The following MTA3 variants were observed in gnomAD, a reference collection of about 807,000 sequenced individuals.
The protein encoded by MTA3 is metastasis associated 1 family member 3.
Under a neutral mutation model 83.5 loss-of-function variants are expected in MTA3, and 34 were observed. The observed-to-expected ratio is 0.41, with a 90% CI of 0.31 to 0.54. The LOEUF is 0.54. Among genes scored for constraint, MTA3 ranks in the 20% least tolerant of loss-of-function variants. The pLI is 0.33. For synonymous variants in MTA3, 303 were observed against 252.7 expected, an observed-to-expected ratio of 1.20 and a Z score of -1.89; for missense variants, 761 against 726.4, an observed-to-expected ratio of 1.05 and a Z score of -0.55.
intron 2 of MTA3, among the ~76,000 whole-genome samples, chr2:42,534,250 C>G (rs1676116653): frequency 6.6e-6 from 1 of 152,106 alleles, no homozygotes; most frequent in African/African-American, 2.4e-5. Flanking sequence ...ACTGATTTCT[C>G]CAATACACTT....
intron 8 of MTA3, among the ~76,000 whole-genome samples, 165 bp downstream of exon 8, chr2:42,660,027 T>C (rs1026282674): frequency 6.6e-6 from 1 of 152,100 alleles, no homozygotes; most frequent in African/African-American, 2.4e-5. Flanking sequence ...ATGATAACAC[T>C]CGTCTGTGAG....
At chr2:42,552,882 G>A (rs577077637) in intron 2 of MTA3, among the ~76,000 whole-genome samples, 82 of 151,670 alleles carry the variant, frequency 5.4e-4, no homozygotes, top group African/African-American at 1.9e-3. Flanking sequence ...CCCAGGAGGT[G>A]GAAGCTGCAT....
At chr2:42,552,980 A>G (rs1198871288) in intron 2 of MTA3, among the ~76,000 whole-genome samples, 5 of 151,528 alleles carry the variant, frequency 3.3e-5, no homozygotes, top group African/African-American at 1.2e-4. Context: ...AAAATCAAAG[A>G]AAGTTCTACT....
intron 16 of MTA3, among the ~76,000 whole-genome samples, chr2:42,750,660 G>T (rs1029482870): frequency 1.3e-5 from 2 of 152,144 alleles, no homozygotes; most frequent in East Asian, 3.9e-4. Context: ...TGCATTCTGA[G>T]AGCTTCATGG....
chr2:42,497,549 C>T (rs1674200878), intron 2 of MTA3, among the ~76,000 whole-genome samples: 1 of 151,730 alleles, frequency 6.6e-6, no homozygotes, highest in Admixed American at 6.6e-5. Flanking sequence ...CGCTCCACTG[C>T]CCTTGAGCCT....
intron 2 of MTA3, chr2:42,533,334 C>T (rs1312107044): frequency 6.6e-6 from 1 of 151,076 alleles, no homozygotes; most frequent in Non-Finnish European, 1.5e-5. Context: ...GGAGATCCGC[C>T]CGCCTTGGCC....
At chr2:42,705,938 C>A (rs530211438) in intron 12 of MTA3, among the ~76,000 whole-genome samples, 1 of 152,006 alleles carries the variant, frequency 6.6e-6, no homozygotes, top group Non-Finnish European at 1.5e-5. Flanking sequence ...TTAAATGATA[C>A]CTACTTTCCA....
intron 4 of MTA3, among the ~76,000 whole-genome samples, chr2:42,624,578 G>A (rs1285836787): frequency 3.9e-5 from 6 of 152,118 alleles, no homozygotes; most frequent in Non-Finnish European, 7.4e-5. Context: ...CACCTGCCTC[G>A]GCCTCCCAAA....
chr2:42,545,455 C>T (rs1049387402), intron 2 of MTA3, among the ~76,000 whole-genome samples: 7 of 152,060 alleles, frequency 4.6e-5, no homozygotes, highest in Non-Finnish European at 7.4e-5. Context: ...GAGAGAAATG[C>T]TCTAGGTAAG....
chr2:42,746,003 G>A (rs538759188), intron 16 of MTA3, among the ~76,000 whole-genome samples: 64 of 151,526 alleles, frequency 4.2e-4, no homozygotes, highest in Non-Finnish European at 8.4e-4. Context: ...TAGTAGAGAC[G>A]GGGTTTCACC....
At chr2:42,579,999 A>G (rs1339038519) in intron 3 of MTA3, among the ~76,000 whole-genome samples, 1 of 152,164 alleles carries the variant, frequency 6.6e-6, no homozygotes, top group African/African-American at 2.4e-5. Flanking sequence ...TGGAGAGTGC[A>G]GTGGCACAAT....
chr2:42,699,999 G>T (rs1693725309), intron 11 of MTA3, among the ~76,000 whole-genome samples: 1 of 152,092 alleles, frequency 6.6e-6, no homozygotes, highest in Admixed American at 6.6e-5. Flanking sequence ...GGCGAGTATG[G>T]TATCACAGAA....
intron 2 of MTA3, among the ~76,000 whole-genome samples, chr2:42,524,050 AAC>A (rs1253344413): frequency 1.3e-5 from 2 of 152,138 alleles, no homozygotes; most frequent in Non-Finnish European, 2.9e-5. Flanking sequence ...CCTCTCCAGA[AAC>A]AGAGACAATG....
intron 16 of MTA3, among the ~76,000 whole-genome samples, chr2:42,752,033 C>T (rs760234407): frequency 1.6e-4 from 24 of 152,190 alleles, no homozygotes; most frequent in Admixed American, 3.3e-4. Context: ...CTTACTGTGA[C>T]CTTGAGCAAG....
At chr2:42,740,934 A>T (rs933342253) in intron 16 of MTA3, among the ~76,000 whole-genome samples, 3 of 152,238 alleles carry the variant, frequency 2.0e-5, no homozygotes, top group Non-Finnish European at 4.4e-5. Flanking sequence ...CTTTGAAGGC[A>T]TTGGCTTCTC....
At position 42,738,578 on chromosome 2, in the gene MTA3, A is replaced by G. The variant is rs546876393; in HGVS notation, c.1760-14796A>G. Reference sequence around the variant, plus strand: ...TGTACAGCATGTGTGTTTGTGCAATATGAAATCTGAGCACCTTGAAAAACA... The same window carrying G: ...TGTACAGCATGTGTGTTTGTGCAATGTGAAATCTGAGCACCTTGAAAAACA... On this transcript the variant is annotated intron_variant, in intron 16 of 16. Transcript: ENST00000405094. Among the ~76,000 whole-genome samples, 4 of 152,342 alleles carry G rather than the reference A, an allele frequency of 2.6e-5. No individual in the cohort carries two copies. The East Asian group carries it at 7.7e-4, about 29-fold the overall frequency.
At chr2:42,641,815 G>A (rs557019923) in intron 5 of MTA3, among the ~76,000 whole-genome samples, 15 of 151,912 alleles carry the variant, frequency 9.9e-5, no homozygotes, top group South Asian at 2.1e-4. Flanking sequence ...GCAGTGAGCC[G>A]AGATCGCGCT....
intron 2 of MTA3, among the ~76,000 whole-genome samples, chr2:42,562,898 C>T (rs940731735): frequency 5.3e-5 from 8 of 152,138 alleles, no homozygotes; most frequent in African/African-American, 1.9e-4. Flanking sequence ...AGAACCTGTC[C>T]ACTATCCTCT....
intron 12 of MTA3, among the ~76,000 whole-genome samples, chr2:42,706,877 T>C (rs1666136920): frequency 6.6e-6 from 1 of 152,064 alleles, no homozygotes; most frequent in African/African-American, 2.4e-5. Context: ...TAAATGGAGA[T>C]TTTAAAATAA....
Sources: allele counts gnomAD v4.1 joint callset (sites outside exome capture counted in the v4.1 genomes callset), GRCh38; gene constraint gnomAD v4.1.1; transcripts MANE v1.5; gene names NCBI Gene and HGNC (gene_info 2026-07-23, HGNC 2026-07-21).